The following NLGN1 variants were observed in gnomAD, a reference collection of about 807,000 sequenced individuals.
NLGN1 encodes the protein neuroligin 1.
A neutral mutation model predicts 65.5 loss-of-function variants in NLGN1; 12 were observed. The ratio of observed to expected loss-of-function variants is 0.18; its 90% CI spans 0.12 to 0.30. The LOEUF (loss-of-function observed/expected upper bound fraction) is 0.30, where lower values mean the gene tolerates loss of function less well. Among genes scored for constraint, NLGN1 ranks in the 10% least tolerant of loss-of-function variants. The pLI, the probability that NLGN1 is intolerant of heterozygous loss-of-function variation, is 1.00. For synonymous variants in NLGN1, 350 were observed against 359.5 expected (o/e 0.97, Z 0.30); for missense variants, 750 against 1,007.1 (o/e 0.74, Z 3.46).
chr3:173,655,756 TAA>T lies in NLGN1; in HGVS notation c.493+50677_493+50678del, dbSNP rs11290973. On this transcript the variant is annotated intron_variant, in intron 3 of 6. Transcript: ENST00000457714. ...TCATGTATAATAAGACAGTTAAAAT[TAA>T]AAAAAAAAAAATCTGACACTACATG... 7.4e-3 allele frequency among the ~76,000 whole-genome samples: 1,094 copies of T among 148,610 alleles called. 14 individuals are homozygous for T. Among genetic ancestry groups the T allele is most frequent in the African/African-American group, 0.024 (962 of 40,834 alleles).
intron 3 of NLGN1, among the ~76,000 whole-genome samples, chr3:173,615,463 GT>G (rs1361093003): frequency 2.0e-5 from 3 of 152,076 alleles, no homozygotes; most frequent in African/African-American, 7.2e-5. Context: ...ATATTACTAA[GT>G]AAATGTAAGT....
At chr3:173,545,032 A>T (rs941395584) in intron 2 of NLGN1, among the ~76,000 whole-genome samples, 1 of 151,768 alleles carries the variant, frequency 6.6e-6, no homozygotes, top group African/African-American at 2.4e-5. Context: ...ATAACTCTGC[A>T]AAGTTTTGTG....
intron 4 of NLGN1, among the ~76,000 whole-genome samples, chr3:173,986,250 C>T (rs975427807): frequency 6.6e-6 from 1 of 151,966 alleles, no homozygotes; most frequent in Non-Finnish European, 1.5e-5. Context: ...GGGCGGATCA[C>T]GAGGTCAGGA....
intron 4 of NLGN1, among the ~76,000 whole-genome samples, chr3:174,241,355 A>C (rs1742767069): frequency 6.6e-6 from 1 of 151,708 alleles, no homozygotes; most frequent in African/African-American, 2.4e-5. Context: ...TTTATAGTAA[A>C]TATATACTTG....
chr3:173,634,368 T>C (rs746457925), intron 3 of NLGN1, among the ~76,000 whole-genome samples: 32 of 152,142 alleles, frequency 2.1e-4, no homozygotes, highest in Non-Finnish European at 4.3e-4. Context: ...CCAAAATATA[T>C]GGTCACTATG....
intron 4 of NLGN1, among the ~76,000 whole-genome samples, chr3:174,186,022 A>T (rs1305751853): frequency 6.6e-6 from 1 of 151,990 alleles, no homozygotes; most frequent in African/African-American, 2.4e-5. Flanking sequence ...GTACCCAATA[A>T]ATTTTACAGG....
chr3:173,739,295 C>T (rs1487710161), intron 3 of NLGN1, among the ~76,000 whole-genome samples: 1 of 151,982 alleles, frequency 6.6e-6, no homozygotes, highest in Non-Finnish European at 1.5e-5. Flanking sequence ...CATTGCAGAA[C>T]CTCCACAATA....
At chr3:173,447,947 T>C (rs575750111) in intron 2 of NLGN1, among the ~76,000 whole-genome samples, 3 of 152,314 alleles carry the variant, frequency 2.0e-5, no homozygotes, top group South Asian at 4.1e-4. Context: ...GCTTATCAGC[T>C]AAGGAGATTT....
chr3:173,605,493 G>A (rs1403324561), intron 3 of NLGN1, 41 bp from the exon 3 acceptor site: 2 of 1,095,310 alleles, frequency 1.8e-6, no homozygotes, highest in South Asian at 1.3e-5. Context: ...GGTCTATGAT[G>A]GAGCGCCATG....
At chr3:173,745,919 C>A (rs1256734404) in intron 3 of NLGN1, among the ~76,000 whole-genome samples, 1 of 152,086 alleles carries the variant, frequency 6.6e-6, no homozygotes, top group Non-Finnish European at 1.5e-5. Flanking sequence ...AGGCTTACAT[C>A]ATTGCAATCA....
chr3:174,241,783 C>T (rs1742892636), intron 4 of NLGN1, among the ~76,000 whole-genome samples: 1 of 152,038 alleles, frequency 6.6e-6, no homozygotes, highest in Non-Finnish European at 1.5e-5. Flanking sequence ...GCTCCCCTCC[C>T]GAGCAGCTGG....
At chr3:173,883,813 T>TA (rs1491482926) in intron 4 of NLGN1, among the ~76,000 whole-genome samples, 7 of 142,766 alleles carry the variant, frequency 4.9e-5, no homozygotes, top group Non-Finnish European at 9.2e-5. Flanking sequence ...AGGGAAACTT[T>TA]CTTTTTTTTT....
intron 3 of NLGN1, among the ~76,000 whole-genome samples, chr3:173,696,584 A>G (rs1488126848): frequency 1.3e-5 from 2 of 152,210 alleles, no homozygotes; most frequent in Non-Finnish European, 2.9e-5. Context: ...AGGAAGGAGT[A>G]GACTAAAATT....
At chr3:174,189,627 G>A (rs753869585) in intron 4 of NLGN1, among the ~76,000 whole-genome samples, 12 of 151,612 alleles carry the variant, frequency 7.9e-5, no homozygotes, top group Non-Finnish European at 1.5e-4. Context: ...GCAGTGTATT[G>A]TATTTTTTGC....
intron 3 of NLGN1, among the ~76,000 whole-genome samples, chr3:173,695,144 G>A (rs1190644620): frequency 6.6e-6 from 1 of 151,944 alleles, no homozygotes; most frequent in African/African-American, 2.4e-5. Context: ...CCTAAATAAA[G>A]TTGCTAATAA....
intron 3 of NLGN1, among the ~76,000 whole-genome samples, chr3:173,671,085 A>G (rs186684762): frequency 6.6e-6 from 1 of 152,294 alleles, no homozygotes; most frequent in East Asian, 1.9e-4. Context: ...CATATATACT[A>G]TTCACTCTTA....
intron 4 of NLGN1, among the ~76,000 whole-genome samples, chr3:174,062,487 T>G (rs1737634970): frequency 1.3e-5 from 2 of 152,038 alleles, no homozygotes; most frequent in African/African-American, 4.8e-5. Context: ...TCTTTTAAAT[T>G]TTTGCTTTTA....
chr3:174,184,725 T>C (rs547722908), intron 4 of NLGN1, among the ~76,000 whole-genome samples: 5 of 152,312 alleles, frequency 3.3e-5, no homozygotes, highest in Non-Finnish European at 7.3e-5. Flanking sequence ...GAGACAATAC[T>C]AAATGCTAAC....
chr3:174,192,997 C>A (rs1732686293), intron 4 of NLGN1, among the ~76,000 whole-genome samples: 1 of 152,056 alleles, frequency 6.6e-6, no homozygotes, highest in Non-Finnish European at 1.5e-5. Flanking sequence ...TAGTTCTCTT[C>A]TGAATGTACC....
Sources: gnomAD v4.1 joint callset for allele counts (sites outside exome capture counted in the v4.1 genomes callset) on GRCh38, gnomAD v4.1.1 for gene constraint, MANE v1.5 for transcripts, NCBI Gene and HGNC (gene_info 2026-07-23, HGNC 2026-07-21) for gene names.